ADGRV1: variants seen among roughly 807,000 people sequenced by gnomAD.
The protein encoded by ADGRV1 is adhesion G protein-coupled receptor V1, also known as G-protein coupled receptor 98.
Under a neutral mutation model 596.2 loss-of-function variants are expected in ADGRV1, and 359 were observed. The observed-to-expected ratio is 0.60, with a 90% CI of 0.55 to 0.66. ADGRV1 has a LOEUF of 0.66. Ranked by LOEUF, ADGRV1 falls within the 30% of genes least tolerant of loss-of-function variation. The pLI is 0.00. For missense variants in ADGRV1, 7,274 were observed against 7,575.6 expected (o/e 0.96, Z 1.48); for synonymous variants, 2,681 against 2,679.2 (o/e 1.00, Z -0.02).
In ADGRV1 at chr5:90,779,052, C is replaced by T. The variant is rs74632023; in HGVS notation, c.13037C>T (p.Pro4346Leu). ...CTTGATGATGACTATCCTGAAGGCC[C>T]AGAGGAATTTTCTCTAACAATTACA... Reference protein sequence around the residue: ...EILDDDYPEGPEEFSLTITKV... With the variant: ...EILDDDYPEGLEEFSLTITKV... Residue 4346 changes from proline to leucine, a missense_variant, in exon 64 of 90, where the codon CCA becomes CTA. Transcript: ENST00000405460. 2,053 of 1,612,880 alleles carry T rather than the reference C, an allele frequency of 1.3e-3. 29 individuals are homozygous for T. The African/African-American group carries it at 0.024, about 19-fold the overall frequency.
intron 83 of ADGRV1, among the ~76,000 whole-genome samples, chr5:90,903,520 T>C (rs1024160367): frequency 4.6e-5 from 7 of 152,022 alleles, no homozygotes; most frequent in African/African-American, 1.4e-4. Flanking sequence ...GAACATACTA[T>C]GGACTGCAGA....
intron 7 of ADGRV1, 166 bp downstream of exon 7, chr5:90,627,942 A>C: frequency 2.3e-6 from 1 of 438,192 alleles, no homozygotes; most frequent in Non-Finnish European, 4.0e-6. Flanking sequence ...ACACACACAC[A>C]CACACACACA....
intron 87 of ADGRV1, among the ~76,000 whole-genome samples, chr5:91,116,197 C>T (rs1792838601): frequency 6.6e-6 from 1 of 152,112 alleles, no homozygotes; most frequent in Non-Finnish European, 1.5e-5. Context: ...CAGAATAAAC[C>T]AATTCCATGT....
chr5:90,686,091 A>G (rs1580732755), intron 29 of ADGRV1, 96 bp downstream of exon 29: 2 of 649,834 alleles, frequency 3.1e-6, no homozygotes, highest in Non-Finnish European at 4.4e-6. Flanking sequence ...AGTTGCAATT[A>G]GGATAATCAA....
rs754846894 is a variant in ADGRV1 at position 90,810,322 on chromosome 5, A to G, written c.15062A>G (p.Gln5021Arg). The change falls in exon 74 of 90, where the codon CAG becomes CGG. Residue 5021 changes from glutamine to arginine, a missense_variant. Coordinates refer to ENST00000405460, the MANE Select transcript of ADGRV1 (RefSeq NM_032119.4). ...SRNIIVSEDT[Q>R]MIRLHVQRLF... The stretch of plus-strand genomic sequence containing the variant: ...AATATCATAGTGTCAGAAGATACAC[A>G]GATGATCAGATTACATGTACAAAGA... 29 of 1,611,686 alleles carry G rather than the reference A, an allele frequency of 1.8e-5. No homozygotes were observed. Among genetic ancestry groups the G allele is most frequent in the Non-Finnish European group, 2.2e-5 (26 of 1,178,760 alleles).
intron 85 of ADGRV1, among the ~76,000 whole-genome samples, chr5:91,014,230 C>CTTGAT (rs1179533799): frequency 1.3e-5 from 2 of 148,892 alleles, no homozygotes; most frequent in Non-Finnish European, 3.0e-5. Context: ...CTGAAGCCTA[C>CTTGAT]TTGATCATGG....
chr5:90,784,059 T>A lies in ADGRV1; in HGVS notation c.13653+2T>A. ...GGAGGACTCTTGGGAGAGATTCAGG[T>A]AGATTTATGTTCCCCATGACTTTAA... On this transcript the variant is annotated splice_donor_variant, in intron 67 of 89. Coordinates refer to ENST00000405460, the MANE Select transcript of ADGRV1 (RefSeq NM_032119.4). LOFTEE classifies it high-confidence loss of function. The A allele has an allele frequency of 6.3e-7, 1 of 1,586,818 alleles. No individual in the cohort carries two copies. The highest frequency in any genetic ancestry group is 1.1e-5 in the South Asian group (1 of 89,146).
chr5:90,771,970 C>T lies in ADGRV1; in HGVS notation c.12286-2216C>T, dbSNP rs543503230. On this transcript the variant is annotated intron_variant, in intron 59 of 89. Transcript: ENST00000405460. ...TCCCAGAACATTTATTACTATCTTT[C>T]GTAACCATTGGCTGGGATTTTCCAC... Among the ~76,000 whole-genome samples, 359 of 152,274 alleles carry T rather than the reference C, an allele frequency of 2.4e-3. 1 individual carries two copies. The highest frequency in any genetic ancestry group is 8.4e-3 in the African/African-American group (349 of 41,562).
Position 90,653,248 on chromosome 5 carries a change from A to G in ADGRV1, c.3674A>G (p.Asn1225Ser), listed in dbSNP as rs1427473064. The G allele has an allele frequency of 6.2e-7, 1 of 1,612,868 alleles. No individual in the cohort carries two copies. The highest frequency in any genetic ancestry group is 8.5e-7 in the Non-Finnish European group (1 of 1,179,268). The change falls in exon 20 of 90, where the codon AAC becomes AGC. Residue 1225 changes from asparagine to serine, a missense_variant. By Grantham distance (46) the Asn-to-Ser change is conservative. Coordinates refer to ENST00000405460, the MANE Select transcript of ADGRV1 (RefSeq NM_032119.4). ...CCTGGGGGCCAGCTAGCAGAAACCA[A>G]CCTCCAGGTGACAGTAATGGTTCCA... ...PGPGGQLAET[N>S]LQVTVMVPFN... is the part of the protein sequence containing the mutation.
At chr5:91,121,875 G>C (rs1444978576) in intron 87 of ADGRV1, among the ~76,000 whole-genome samples, 1 of 151,998 alleles carries the variant, frequency 6.6e-6, no homozygotes, top group African/African-American at 2.4e-5. Flanking sequence ...TGCAGCAATT[G>C]GTGAAAAATT....
At chr5:90,945,258 T>C (rs991470179) in intron 83 of ADGRV1, among the ~76,000 whole-genome samples, 2 of 152,096 alleles carry the variant, frequency 1.3e-5, no homozygotes, top group African/African-American at 2.4e-5. Context: ...TTTTTGTTCT[T>C]CTCTGTTCTC....
At chr5:90,807,797 A>C in intron 73 of ADGRV1, 60 bp downstream of exon 73, 1 of 1,418,974 alleles carries the variant, frequency 7.0e-7, no homozygotes, top group Non-Finnish European at 9.5e-7. Context: ...GAATTCATCC[A>C]TCAAAACAGA....
At chr5:91,109,398 C>T (rs1792169422) in intron 87 of ADGRV1, among the ~76,000 whole-genome samples, 1 of 152,134 alleles carries the variant, frequency 6.6e-6, no homozygotes, top group Non-Finnish European at 1.5e-5. Context: ...TGTGTTTTTG[C>T]CACTTCCCCA....
intron 85 of ADGRV1, among the ~76,000 whole-genome samples, chr5:90,993,046 A>G (rs1277778465): frequency 6.6e-6 from 1 of 150,750 alleles, no homozygotes; most frequent in Non-Finnish European, 1.5e-5. Flanking sequence ...TTTTCCCCCA[A>G]TGTCTTTTTT....
intron 1 of ADGRV1, among the ~76,000 whole-genome samples, chr5:90,579,973 C>T (rs1308444980): frequency 1.3e-5 from 2 of 151,902 alleles, no homozygotes; most frequent in African/African-American, 2.4e-5. Flanking sequence ...GGTAGATCTT[C>T]CTCCGTCCCT....
intron 1 of ADGRV1, among the ~76,000 whole-genome samples, chr5:90,559,299 A>G (rs915031203): frequency 5.3e-5 from 8 of 152,194 alleles, no homozygotes; most frequent in African/African-American, 1.9e-4. Flanking sequence ...CTGAAAAATA[A>G]CAGACCAAGA....
At chr5:90,651,506 T>A in intron 17 of ADGRV1, 98 bp from the exon 18 acceptor site, 1 of 1,077,974 alleles carries the variant, frequency 9.3e-7, no homozygotes, top group East Asian at 2.7e-5. Context: ...CTTGCTGAAA[T>A]TTTCAACTTA....
intron 83 of ADGRV1, among the ~76,000 whole-genome samples, chr5:90,930,450 T>G (rs1166996431): frequency 1.3e-5 from 2 of 152,198 alleles, no homozygotes; most frequent in African/African-American, 4.8e-5. Context: ...GACCAAATGG[T>G]AATACTTTTA....
chr5:91,014,462 C>G (rs1312377702), intron 85 of ADGRV1, among the ~76,000 whole-genome samples: 1 of 151,894 alleles, frequency 6.6e-6, no homozygotes, highest in Non-Finnish European at 1.5e-5. Context: ...ACCAGCTCTT[C>G]TTTGTACATC....
Sources: allele counts gnomAD v4.1 joint callset (sites outside exome capture counted in the v4.1 genomes callset), GRCh38; gene constraint gnomAD v4.1.1; transcripts MANE v1.5; gene names NCBI Gene and HGNC (gene_info 2026-07-23, HGNC 2026-07-21).